Variants in STPG2 observed in about 807,000 individuals in gnomAD.
STPG2 encodes the protein sperm tail PG-rich repeat containing 2.
Under a neutral mutation model 54.2 loss-of-function variants are expected in STPG2, and 56 were observed. The ratio of observed to expected loss-of-function variants is 1.03; its 90% CI spans 0.83 to 1.29. STPG2 has a LOEUF of 1.29. STPG2 is among the 50% of genes most tolerant of loss of function. The pLI is 0.00. For synonymous variants in STPG2, 200 were observed against 181.8 expected (o/e 1.10, Z -0.81); for missense variants, 596 against 544.9 (o/e 1.09, Z -0.93).
At chr4:97,503,257 G>A (rs1389638251) in intron 4 of STPG2, among the ~76,000 whole-genome samples, 2 of 151,770 alleles carry the variant, frequency 1.3e-5, no homozygotes, top group East Asian at 1.9e-4. Flanking sequence ...CAGCCATTGT[G>A]GAAGTATTTA....
In STPG2 at chr4:98,128,556, C is replaced by G. The variant is rs375502654; in HGVS notation, c.259G>C (p.Asp87His). The G allele has an allele frequency of 3.1e-6, 5 of 1,610,810 alleles. No individual in the cohort carries two copies. In the African/African-American group the frequency reaches 6.7e-5, roughly 22 times the overall value. ...CCACAAGAAGGAATTGAAGGAACAT[C>G]AACACTTCTGGTAAGTGTAGGTGAT... ...SRSPTLTRSV[D>H]VPSIPSCGKS... The change falls in exon 3 of 11, where the codon GAT becomes CAT. Residue 87 changes from aspartate (D) to histidine (H), a missense_variant. Coordinates refer to ENST00000295268, the MANE Select transcript of STPG2 (RefSeq NM_174952.3).
Position 97,707,347 on chromosome 4 carries a change from C to T in STPG2, c.1320+5352G>A, listed in dbSNP as rs137908148. 6.1e-3 allele frequency among the ~76,000 whole-genome samples: 930 copies of T among 152,098 alleles called. 11 individuals are homozygous for T. Among genetic ancestry groups the T allele is most frequent in the African/African-American group, 0.021 (891 of 41,488 alleles). ...CCAGCCTGGGCAACAGGGCAAAACC[C>T]CATCTCTGCAAAAAATACAAAAAAT... On this transcript the variant is annotated intron_variant, in intron 10 of 10. Coordinates refer to ENST00000295268, the MANE Select transcript of STPG2 (RefSeq NM_174952.3).
At chr4:97,473,823 T>C (rs1730005068) in intron 4 of STPG2, among the ~76,000 whole-genome samples, 3 of 152,140 alleles carry the variant, frequency 2.0e-5, no homozygotes, top group Admixed American at 2.0e-4. Flanking sequence ...TCTGTCCCTT[T>C]ATTTCTCAAA....
chr4:98,057,665 A>T (rs1463375220), intron 5 of STPG2, among the ~76,000 whole-genome samples: 1 of 152,196 alleles, frequency 6.6e-6, no homozygotes, highest in Non-Finnish European at 1.5e-5. Context: ...TCCCCAACCT[A>T]GCTAGAGAGG....
chr4:97,749,424 G>A (rs1302653489), intron 9 of STPG2, among the ~76,000 whole-genome samples: 5 of 151,622 alleles, frequency 3.3e-5, no homozygotes, highest in East Asian at 1.9e-4. Flanking sequence ...AGAAAAATAC[G>A]TATGCCAAAA....
chr4:98,140,166 T>G (rs934015800), intron 1 of STPG2, among the ~76,000 whole-genome samples: 2 of 152,126 alleles, frequency 1.3e-5, no homozygotes, highest in African/African-American at 2.4e-5. Context: ...ACTGGACAAA[T>G]GTATCAGCAG....
At chr4:97,673,446 A>C (rs979333789) in intron 10 of STPG2, among the ~76,000 whole-genome samples, 1 of 152,194 alleles carries the variant, frequency 6.6e-6, no homozygotes, top group African/African-American at 2.4e-5. Context: ...AATTAGATAA[A>C]AAATAAACAT....
At chr4:97,587,590 C>T (rs758857859) in intron 10 of STPG2, among the ~76,000 whole-genome samples, 2 of 151,868 alleles carry the variant, frequency 1.3e-5, no homozygotes, top group Non-Finnish European at 2.9e-5. Flanking sequence ...TTTTAACTTA[C>T]GGTGTTTTTA....
chr4:97,733,940 A>G (rs757918951), intron 9 of STPG2, among the ~76,000 whole-genome samples: 1 of 152,164 alleles, frequency 6.6e-6, no homozygotes, highest in Admixed American at 6.6e-5. Context: ...AAACAAAATC[A>G]TGCCATCTGA....
At chr4:97,790,675 G>A (rs187327874) in intron 9 of STPG2, among the ~76,000 whole-genome samples, 13 of 152,038 alleles carry the variant, frequency 8.6e-5, no homozygotes, top group Middle Eastern at 3.2e-3. Context: ...AGCTTCTCTC[G>A]TGTTTTCAAT....
intron 4 of STPG2, 82 bp from the exon 5 acceptor site, chr4:98,106,146 A>G: frequency 1.0e-6 from 1 of 976,074 alleles, no homozygotes; most frequent in African/African-American, 1.7e-5. Context: ...TTCTTTCTAC[A>G]GCAACATGTC....
intron 8 of STPG2, among the ~76,000 whole-genome samples, chr4:97,863,102 A>G (rs1729620869): frequency 1.3e-5 from 2 of 152,156 alleles, no homozygotes. Context: ...AGATCAGAGC[A>G]GAACTGAAGG....
rs1470887126 is a variant in STPG2, at chr4:97,559,011, A to C, written c.*47T>G. ...TTTTGTTAAAATGACAAAGAAATAA[A>C]CTGACTTCCATGAAGTTGTTTTTTA... On this transcript the variant is annotated 3_prime_UTR_variant, in exon 11 of 11. Coordinates refer to ENST00000295268, the MANE Select transcript of STPG2 (RefSeq NM_174952.3). 1 of 1,440,282 alleles carries C rather than the reference A, an allele frequency of 6.9e-7. No individual in the cohort carries two copies. The highest frequency in any genetic ancestry group is 1.4e-5 in the African/African-American group (1 of 69,734). The allele number at this position is 1,440,282 out of a possible 1,614,324, so 89.2% of individuals were successfully genotyped here. A position where few individuals can be genotyped will look rare whatever the true frequency, so the allele number is the denominator to read the frequency against.
At chr4:98,078,312 T>C (rs1359626543) in intron 5 of STPG2, among the ~76,000 whole-genome samples, 1 of 152,112 alleles carries the variant, frequency 6.6e-6, no homozygotes. Flanking sequence ...TGAAAAAACA[T>C]AAATTCCACC....
intron 4 of STPG2, among the ~76,000 whole-genome samples, chr4:97,451,248 A>C (rs1729356835): frequency 6.6e-6 from 1 of 152,224 alleles, no homozygotes; most frequent in Admixed American, 6.5e-5. Flanking sequence ...GTCTGGTTTT[A>C]AGATTTCAGT....
intron 10 of STPG2, among the ~76,000 whole-genome samples, chr4:97,615,065 A>G (rs925771645): frequency 1.3e-5 from 2 of 152,144 alleles, no homozygotes; most frequent in Non-Finnish European, 2.9e-5. Flanking sequence ...CTTTGGGGGC[A>G]CTGTCCCCAT....
At chr4:98,053,885 G>C (rs548730466) in intron 5 of STPG2, among the ~76,000 whole-genome samples, 1 of 152,202 alleles carries the variant, frequency 6.6e-6, no homozygotes, top group South Asian at 2.1e-4. Context: ...TTTGTTGGAT[G>C]ATATGCTTCT....
At chr4:97,862,755 C>G (rs1008033840) in intron 8 of STPG2, among the ~76,000 whole-genome samples, 1 of 152,126 alleles carries the variant, frequency 6.6e-6, no homozygotes, top group Non-Finnish European at 1.5e-5. Context: ...TCTCTCCGAC[C>G]ACAGTGCAAT....
intron 9 of STPG2, among the ~76,000 whole-genome samples, chr4:97,760,274 TC>T (rs1725851313): frequency 6.6e-6 from 1 of 152,170 alleles, no homozygotes; most frequent in South Asian, 2.1e-4. Context: ...ATTTTACATA[TC>T]CACCCTACCT....
Sources: allele counts gnomAD v4.1 joint callset (sites outside exome capture counted in the v4.1 genomes callset), GRCh38; gene constraint gnomAD v4.1.1; transcripts MANE v1.5; gene names NCBI Gene and HGNC (gene_info 2026-07-23, HGNC 2026-07-21).